The following PTPRB variants were observed in gnomAD, a reference collection of about 807,000 sequenced individuals.
The protein encoded by PTPRB is protein tyrosine phosphatase receptor type B.
PTPRB carries 97 observed loss-of-function variants against 238.1 expected under a neutral mutation model. The ratio of observed to expected loss-of-function variants is 0.41; its 90% confidence interval spans 0.35 to 0.48. PTPRB has a LOEUF of 0.48. Among genes scored for constraint, PTPRB ranks in the 20% least tolerant of loss-of-function variants. The pLI, the probability that PTPRB is intolerant of heterozygous loss-of-function variation, is 0.30. For synonymous variants in PTPRB, 970 were observed against 995.4 expected (o/e 0.97, Z 0.48); for missense variants, 2,292 against 2,681.9 (o/e 0.85, Z 3.21).
chr12:70,585,538 T>C (rs968771183), intron 9 of PTPRB, among the ~76,000 whole-genome samples: 2 of 152,142 alleles, frequency 1.3e-5, no homozygotes, highest in African/African-American at 4.8e-5. Flanking sequence ...CTGATGGTTT[T>C]ATAAGGGGCT....
At chr12:70,523,956 G>A (rs918113695) in intron 33 of PTPRB, among the ~76,000 whole-genome samples, 26 of 152,052 alleles carry the variant, frequency 1.7e-4, no homozygotes, top group African/African-American at 6.3e-4. Flanking sequence ...GGGATTACAG[G>A]CGTGAGCCAC....
At chr12:70,538,049 G>T in intron 28 of PTPRB, 106 bp downstream of exon 28, 1 of 895,442 alleles carries the variant, frequency 1.1e-6, no homozygotes, top group Non-Finnish European at 1.7e-6. Context: ...GAAATCTACA[G>T]GTGTTTCCAG....
At chr12:70,569,611 C>T (rs1879772614) in intron 14 of PTPRB, 64 bp downstream of exon 14, 10 of 1,587,214 alleles carry the variant, frequency 6.3e-6, no homozygotes, top group African/African-American at 1.3e-5. Context: ...AGCCCGTTCA[C>T]TGTCCCATTT....
chr12:70,536,043 C>T lies in PTPRB; in HGVS notation c.6063G>A (p.Gln2021=). ...QNVHNIVMVT[Q]CVEKGRVKCD... ...TACTCACTCGGCCCTTCTCAACACA[C>T]TGGGTCACCATGACGATGTTGTGAA... The change falls in exon 29 of 34, where the codon CAG becomes CAA. Residue 2021 remains glutamine, a synonymous_variant. Transcript: ENST00000334414. The T allele has an allele frequency of 6.2e-7, 1 of 1,613,662 alleles. No homozygotes were observed. Among genetic ancestry groups the T allele is most frequent in the South Asian group, 1.1e-5 (1 of 91,064 alleles).
Position 70,566,568 on chromosome 12 carries a change from G to C in PTPRB, c.3771C>G (p.Arg1257=), listed in dbSNP as rs1320158334. The C allele has an allele frequency of 6.2e-7, 1 of 1,613,956 alleles. No individual in the cohort carries two copies. Among genetic ancestry groups the C allele is most frequent in the Non-Finnish European group, 8.5e-7 (1 of 1,179,898 alleles). Residue 1257 remains arginine (R), a synonymous_variant, in exon 15 of 34, where the codon CGC becomes CGG. Transcript: ENST00000334414. ...TAGTGGTGGCTGGCTCTGATGTGTTGCGCAGAAGGATTCCATTTTCAGTTA... is the reference window on the plus strand; with the variant it reads ...TAGTGGTGGCTGGCTCTGATGTGTTCCGCAGAAGGATTCCATTTTCAGTTA... The part of the protein sequence containing the change: ...LLLTENGILL[R]NTSEPATTKQ...
At chr12:70,559,751 T>C in intron 17 of PTPRB, 127 bp from the exon 18 acceptor site, 1 of 912,836 alleles carries the variant, frequency 1.1e-6, no homozygotes, top group Non-Finnish European at 1.6e-6. Flanking sequence ...ATGATAATAA[T>C]ATAGTAGCAG....
chr12:70,567,737 GC>G (rs1192922669), intron 14 of PTPRB, among the ~76,000 whole-genome samples: 1 of 152,128 alleles, frequency 6.6e-6, no homozygotes, highest in Non-Finnish European at 1.5e-5. Flanking sequence ...CATGCTAATG[GC>G]CCTATAGTGG....
At position 70,609,238 on chromosome 12, in the gene PTPRB, A is replaced by G. The variant is rs748841574; in HGVS notation, c.810T>C (p.Cys270=). The part of the protein sequence containing the change: ...SIQWRILGSP[C]NFSLIYSSDT... ...CACTGCTATAGATGAGGCTAAAGTTACAGGGTGAGCCCAAAATTCTCCACT... is the reference window on the plus strand; with the variant it reads ...CACTGCTATAGATGAGGCTAAAGTTGCAGGGTGAGCCCAAAATTCTCCACT... Residue 270 remains cysteine (C), a synonymous_variant, in exon 4 of 34, where the codon TGT becomes TGC. Transcript: ENST00000334414. The G allele has an allele frequency of 6.2e-7, 1 of 1,614,068 alleles. No homozygotes were observed. Among genetic ancestry groups the G allele is most frequent in the South Asian group, 1.1e-5 (1 of 91,090 alleles).
At chr12:70,635,587 A>C in intron 2 of PTPRB, 84 bp downstream of exon 2, 1 of 1,123,924 alleles carries the variant, frequency 8.9e-7, no homozygotes, top group Non-Finnish European at 1.1e-6. Context: ...TTAAATGTAA[A>C]ACAAACAAAC....
intron 2 of PTPRB, among the ~76,000 whole-genome samples, chr12:70,628,844 C>A (rs550217180): frequency 1.7e-4 from 26 of 152,188 alleles, no homozygotes; most frequent in African/African-American, 5.5e-4. Context: ...GGGTTATAGG[C>A]ATGAGCCACT....
rs1369659183 is a variant in PTPRB at position 70,516,376 on chromosome 12, G to C, written c.*5113C>G. On this transcript the variant is annotated 3_prime_UTR_variant, in exon 34 of 34. Transcript: ENST00000334414. ...GATTAAAGACTTGGTCCTTGTTCTT[G>C]AGGAATTTATAAGCCCAATAGTCCT... 2 of 152,206 alleles carry C rather than the reference G, an allele frequency of 1.3e-5. No homozygotes were observed. The highest frequency in any genetic ancestry group is 2.9e-5 in the Non-Finnish European group (2 of 68,040). The allele number at this position is 152,206 out of a possible 1,614,324, so 9.4% of individuals were successfully genotyped here.
At chr12:70,608,833 C>A in intron 4 of PTPRB, 1 of 587,626 alleles carries the variant, frequency 1.7e-6, no homozygotes. Flanking sequence ...CTGCACCCCA[C>A]CCCGACCCTT....
chr12:70,593,804 G>A (rs541403508), intron 6 of PTPRB, among the ~76,000 whole-genome samples: 33 of 152,250 alleles, frequency 2.2e-4, no homozygotes, highest in African/African-American at 7.5e-4. Flanking sequence ...CAAGAGAGGA[G>A]ATTTAATTCA....
intron 7 of PTPRB, 200 bp downstream of exon 7, chr12:70,592,082 C>T (rs1882542584): frequency 4.6e-6 from 3 of 652,554 alleles, no homozygotes; most frequent in East Asian, 5.5e-5. Context: ...ACAGAAACAA[C>T]ATGCAGATCA....
At chr12:70,528,541 T>A (rs1872723366) in intron 32 of PTPRB, among the ~76,000 whole-genome samples, 1 of 152,000 alleles carries the variant, frequency 6.6e-6, no homozygotes, top group South Asian at 2.1e-4. Context: ...GGAAAGGACT[T>A]CGTGACTGCT....
At chr12:70,636,549 T>C (rs779119118) in intron 1 of PTPRB, among the ~76,000 whole-genome samples, 14 of 152,190 alleles carry the variant, frequency 9.2e-5, no homozygotes, top group Non-Finnish European at 1.9e-4. Flanking sequence ...ATATACAAAT[T>C]TCATAGTTTG....
At chr12:70,539,520 T>G in intron 26 of PTPRB, 105 bp downstream of exon 26, 3 of 890,884 alleles carry the variant, frequency 3.4e-6, no homozygotes, top group Non-Finnish European at 5.3e-6. Context: ...CTAAGCAGCC[T>G]CCTAACTTCT....
intron 20 of PTPRB, among the ~76,000 whole-genome samples, chr12:70,554,331 A>G (rs1370245866): frequency 2.0e-5 from 3 of 152,224 alleles, no homozygotes; most frequent in African/African-American, 7.2e-5. Context: ...TAAACAGTAT[A>G]AAAATATATA....
intron 9 of PTPRB, among the ~76,000 whole-genome samples, chr12:70,585,546 G>A (rs1205092589): frequency 6.6e-6 from 1 of 151,976 alleles, no homozygotes; most frequent in African/African-American, 2.4e-5. Context: ...TTTATAAGGG[G>A]CTCTTTCCCC....
Sources: gnomAD v4.1 joint callset for allele counts (sites outside exome capture counted in the v4.1 genomes callset) on GRCh38, gnomAD v4.1.1 for gene constraint, MANE v1.5 for transcripts, NCBI Gene and HGNC (gene_info 2026-07-23, HGNC 2026-07-21) for gene names.